Variants in FANK1 observed in about 807,000 individuals in gnomAD.
The protein encoded by FANK1 is fibronectin type 3 and ankyrin repeat domains protein 1.
FANK1 carries 44 observed loss-of-function variants against 45.3 expected under a neutral mutation model. The observed-to-expected ratio is 0.97, with a 90% CI of 0.76 to 1.25. The LOEUF is 1.25. FANK1 is among the 50% of genes most tolerant of loss of function. The probability of loss-of-function intolerance (pLI) is 0.00; values close to 1 mark genes in which losing one functional copy is unlikely to be tolerated. For missense variants in FANK1, 391 were observed against 424.4 expected (o/e 0.92, Z 0.69); for synonymous variants, 149 against 152.5 (o/e 0.98, Z 0.17).
At chr10:125,952,794 AATAC>A (rs1256039860) in intron 1 of FANK1, among the ~76,000 whole-genome samples, 6 of 126,512 alleles carry the variant, frequency 4.7e-5, no homozygotes, top group Middle Eastern at 4.7e-3. Context: ...CCCAGCAGGA[AATAC>A]ATACACACAC....
At chr10:125,902,073 A>T (rs563660556) in intron 1 of FANK1, among the ~76,000 whole-genome samples, 3 of 152,238 alleles carry the variant, frequency 2.0e-5, no homozygotes, top group Admixed American at 2.0e-4. Context: ...GAGCCGAGAT[A>T]GCACCACTGT....
chr10:125,924,178 A>C (rs1323143405), intron 1 of FANK1, among the ~76,000 whole-genome samples: 1 of 151,840 alleles, frequency 6.6e-6, no homozygotes, highest in African/African-American at 2.4e-5. Flanking sequence ...TTTGTATTTC[A>C]TTTGTTTGTT....
At chr10:125,989,688 A>G (rs1182691304) in intron 3 of FANK1, among the ~76,000 whole-genome samples, 1 of 152,228 alleles carries the variant, frequency 6.6e-6, no homozygotes, top group African/African-American at 2.4e-5. Context: ...GATGCAGGTA[A>G]AAAAAGAGGG....
At chr10:125,939,820 A>G (rs775512720) in intron 1 of FANK1, among the ~76,000 whole-genome samples, 1 of 152,080 alleles carries the variant, frequency 6.6e-6, no homozygotes, top group Non-Finnish European at 1.5e-5. Context: ...AAAATTATAT[A>G]TATTTCATTC....
chr10:125,923,700 G>A (rs1947111025), intron 1 of FANK1, among the ~76,000 whole-genome samples: 2 of 151,686 alleles, frequency 1.3e-5, no homozygotes, highest in South Asian at 4.2e-4. Context: ...GCTAATTTTT[G>A]TATTTTTGGT....
intron 1 of FANK1, among the ~76,000 whole-genome samples, chr10:125,898,087 C>T (rs73383034): frequency 1.4e-5 from 2 of 144,414 alleles, no homozygotes; most frequent in Admixed American, 7.0e-5. Flanking sequence ...ACGCTGAGGC[C>T]GAGGCAGGGG....
chr10:125,947,251 T>C (rs1224886781), intron 1 of FANK1, among the ~76,000 whole-genome samples: 1 of 150,992 alleles, frequency 6.6e-6, no homozygotes, highest in African/African-American at 2.4e-5. Context: ...AGGATCAAAT[T>C]CACACATAAC....
intron 1 of FANK1, among the ~76,000 whole-genome samples, chr10:125,918,375 G>A (rs1946629044): frequency 1.3e-5 from 2 of 151,990 alleles, no homozygotes; most frequent in Admixed American, 6.6e-5. Flanking sequence ...GGCCAACATG[G>A]TGAAACCCCG....
intron 1 of FANK1, among the ~76,000 whole-genome samples, chr10:125,920,551 A>G (rs1407076557): frequency 6.6e-6 from 1 of 152,204 alleles, no homozygotes; most frequent in Admixed American, 6.5e-5. Flanking sequence ...GGCCACATAA[A>G]CATTTCTGCT....
chr10:125,956,403 A>C (rs942350411), intron 1 of FANK1, among the ~76,000 whole-genome samples: 9 of 152,230 alleles, frequency 5.9e-5, no homozygotes, highest in Non-Finnish European at 1.2e-4. Flanking sequence ...TAAGCCTCCA[A>C]ATATAATGCA....
At chr10:125,959,664 CCTA>C (rs1949799285) in intron 1 of FANK1, among the ~76,000 whole-genome samples, 1 of 152,102 alleles carries the variant, frequency 6.6e-6, no homozygotes, top group Non-Finnish European at 1.5e-5. Flanking sequence ...ATTAGTAAAA[CCTA>C]CTCTTTTCCC....
At chr10:125,957,013 C>T (rs941470734) in intron 1 of FANK1, among the ~76,000 whole-genome samples, 1 of 152,162 alleles carries the variant, frequency 6.6e-6, no homozygotes, top group African/African-American at 2.4e-5. Context: ...TGTGTGCCAG[C>T]ACACCCGGCT....
intron 1 of FANK1, among the ~76,000 whole-genome samples, chr10:125,930,651 T>C (rs1025959700): frequency 2.0e-5 from 3 of 152,156 alleles, no homozygotes; most frequent in Admixed American, 6.5e-5. Context: ...TTCATTGTTC[T>C]TCAGTGTCAC....
intron 1 of FANK1, among the ~76,000 whole-genome samples, chr10:125,902,361 C>G (rs1023874764): frequency 1.3e-5 from 2 of 152,202 alleles, no homozygotes; most frequent in African/African-American, 4.8e-5. Context: ...TCCCTAGTGC[C>G]TAACACGGAG....
intron 1 of FANK1, among the ~76,000 whole-genome samples, chr10:125,945,556 G>A (rs10901473): frequency 0.38 from 57,409 of 152,052 alleles, 11,287 homozygotes; most frequent in Non-Finnish European, 0.44. Flanking sequence ...CTTAAAAAAC[G>A]GCGAACCACG....
At chr10:126,003,098 C>T (rs145128584) in intron 6 of FANK1, among the ~76,000 whole-genome samples, 2,920 of 130,862 alleles carry the variant, frequency 0.022, 40 homozygotes, top group Middle Eastern at 0.037. Context: ...TAGACCAGTC[C>T]TCTCTTTAAA....
At chr10:125,949,298 G>T (rs1419972642) in intron 1 of FANK1, among the ~76,000 whole-genome samples, 1 of 150,674 alleles carries the variant, frequency 6.6e-6, no homozygotes, top group Non-Finnish European at 1.5e-5. Context: ...GAAATAAAGG[G>T]TATTCAATTA....
intron 1 of FANK1, among the ~76,000 whole-genome samples, chr10:125,937,323 C>G (rs1948170169): frequency 6.6e-6 from 1 of 152,220 alleles, no homozygotes. Flanking sequence ...CATCTCTTTA[C>G]TGACACTTGG....
At chr10:125,995,710 A>G (rs1261973360) in intron 4 of FANK1, among the ~76,000 whole-genome samples, 7 of 152,180 alleles carry the variant, frequency 4.6e-5, no homozygotes, top group Admixed American at 2.0e-4. Flanking sequence ...TGATTGTGTA[A>G]TAGAAATTGT....
Sources: allele counts gnomAD v4.1 joint callset (sites outside exome capture counted in the v4.1 genomes callset), GRCh38; gene constraint gnomAD v4.1.1; transcripts MANE v1.5; gene names NCBI Gene and HGNC (gene_info 2026-07-23, HGNC 2026-07-21).